Variants in DACT2 observed in about 807,000 individuals in gnomAD.
The protein encoded by DACT2 is dapper homolog 2.
In DACT2, 20 loss-of-function variants were observed where a neutral mutation model predicts 22.2. The observed-to-expected ratio is 0.90, with a 90% confidence interval of 0.63 to 1.31. The LOEUF is 1.31. DACT2 is among the 50% of genes most tolerant of loss of function. The pLI is 0.00. For missense variants in DACT2, 1,048 were observed against 1,061.4 expected (o/e 0.99, Z 0.18); for synonymous variants, 463 against 479.8 (o/e 0.96, Z 0.46).
intron 3 of DACT2, among the ~76,000 whole-genome samples, chr6:168,309,386 GTCTGCATCTAGACACCGCACA>G (rs1779330684): frequency 2.1e-4 from 13 of 60,952 alleles, no homozygotes; most frequent in East Asian, 2.6e-3. Flanking sequence ...CGTGGGGCCC[GTCTGCATCTAGACACCGCACA>G]GGGCCGTTTG....
At chr6:168,313,535 C>G (rs757700896) in intron 1 of DACT2, among the ~76,000 whole-genome samples, 1 of 152,128 alleles carries the variant, frequency 6.6e-6, no homozygotes, top group African/African-American at 2.4e-5. Context: ...CACACACAGG[C>G]GGGCTCTCCC....
At position 168,294,577 on chromosome 6, in the gene DACT2, G is replaced by GTATATATATATA. The variant is rs1554269708; in HGVS notation, c.730+44_730+55dup. ...TGTGTGTGTATGTGTGTGTGTGTGT[G>GTATATATATATA]TATATATATATATATATATATATAT... On this transcript the variant is annotated intron_variant, in intron 4 of 5. Coordinates refer to the DACT2 transcript ENST00000366796. The GTATATATATATA allele has an allele frequency of 7.7e-4, 96 of 124,394 alleles. No homozygotes were observed. The Middle Eastern group carries it at 8.7e-3, about 11-fold the overall frequency. 7.7% of individuals were successfully genotyped at this position (124,394 alleles called of 1,614,324 possible). A position where few individuals can be genotyped will look rare whatever the true frequency, so the allele number is the denominator to read the frequency against.
rs1779234159 is a variant in DACT2 at position 168,307,334 on chromosome 6, GAC to G, written c.*96_*97del. On this transcript the variant is annotated 3_prime_UTR_variant, in exon 4 of 4. Coordinates refer to ENST00000366795, the MANE Select transcript of DACT2 (RefSeq NM_214462.5). This position sits in a 1 kb window ranked among gnomAD's most constrained non-coding sequence, Gnocchi z 5.3. ...AAACGGTGGCCTCGGAAGATAAAGC[GAC>G]TTGGCAAGACGACACTGAAACCCAG... is the stretch of plus-strand genomic sequence containing the variant. The G allele has an allele frequency of 2.0e-6, 3 of 1,496,242 alleles. No individual in the cohort carries two copies. The highest frequency in any genetic ancestry group is 2.7e-5 in the South Asian group (2 of 73,006). 92.7% of individuals were successfully genotyped at this position (1,496,242 alleles called of 1,614,324 possible). A position where few individuals can be genotyped will look rare whatever the true frequency, so the allele number is the denominator to read the frequency against.
chr6:168,307,652 C>A lies in DACT2; in HGVS notation c.2105G>T (p.Ser702Ile), dbSNP rs1411558658. 6.5e-7 allele frequency: 1 copy of A among 1,547,788 alleles called. No individual in the cohort carries two copies. Among genetic ancestry groups the A allele is most frequent in the South Asian group, 1.2e-5 (1 of 83,740 alleles). The change falls in exon 4 of 4, where the codon AGC becomes ATC. Residue 702 changes from serine to isoleucine, a missense_variant. Ser to Ile is a moderately radical substitution (Grantham distance 142). Transcript: ENST00000366795. This position sits in a 1 kb window ranked among gnomAD's most constrained non-coding sequence, Gnocchi z 5.3. ...GCTCTGGGCGCCGCCCTCCTCGTCG[C>A]TGCTGCTGGACTCACGGTCTCCGAA... ...NRFGDRESSS[S>I]DEEGGAQSRD...
chr6:168,305,185 C>A (rs1583293493), downstream of DACT2, among the ~76,000 whole-genome samples: 1 of 152,092 alleles, frequency 6.6e-6, no homozygotes, highest in South Asian at 2.1e-4. Context: ...CACTGAGGAC[C>A]CTTCCTGCCC....
chr6:168,319,319 CGCTGCCGAA>C, intron 1 of DACT2, 60 bp downstream of exon 1: 1 of 1,168,178 alleles, frequency 8.6e-7, no homozygotes. Flanking sequence ...AACACACAGT[CGCTGCCGAA>C]GGAGCAGCGC....
intron 3 of DACT2, among the ~76,000 whole-genome samples, chr6:168,295,182 G>A (rs1053007840): frequency 6.6e-6 from 1 of 152,220 alleles, no homozygotes; most frequent in African/African-American, 2.4e-5. Flanking sequence ...AGGATCAGGT[G>A]GGCAAATCTG....
Position 168,319,615 on chromosome 6 carries a change from G to T in DACT2, c.19C>A (p.Pro7Thr). The T allele has an allele frequency of 1.5e-6, 2 of 1,309,156 alleles. No individual in the cohort carries two copies. The highest frequency in any genetic ancestry group is 1.9e-6 in the Non-Finnish European group (2 of 1,027,498). 81.1% of individuals were successfully genotyped at this position (1,309,156 alleles called of 1,614,324 possible). A position where few individuals can be genotyped will look rare whatever the true frequency, so the allele number is the denominator to read the frequency against. The change falls in exon 1 of 4, where the codon CCC becomes ACC. Residue 7 changes from proline (P) to threonine (T), a missense_variant. Physicochemically the swap from Pro to Thr is conservative, Grantham distance 38. Coordinates refer to ENST00000366795, the MANE Select transcript of DACT2 (RefSeq NM_214462.5). MWTPGG[P>T]PGSAGWDRRR... ...CGGTCCCAGCCCGCGGACCCCGGGG[G>T]TCCGCCCGGCGTCCACATCTCCCGG...
rs559080276 is a variant in DACT2, at chr6:168,307,650, C to T, written c.2107G>A (p.Asp703Asn). ...RFGDRESSSS[D>N]EEGGAQSRDC... ...CTGCTCTGGGCGCCGCCCTCCTCGT[C>T]GCTGCTGCTGGACTCACGGTCTCCG... Residue 703 changes from aspartate (D) to asparagine (N), a missense_variant, in exon 4 of 4, where the codon GAC becomes AAC. Coordinates refer to ENST00000366795, the MANE Select transcript of DACT2 (RefSeq NM_214462.5). This position sits in a 1 kb window ranked among gnomAD's most constrained non-coding sequence, Gnocchi z 5.3. 5.3e-5 allele frequency: 82 copies of T among 1,547,556 alleles called. 1 individual carries two copies. The highest frequency in any genetic ancestry group is 5.1e-4 in the South Asian group (43 of 83,714).
chr6:168,298,961 A>G (rs994433956), intron 3 of DACT2: 2 of 152,204 alleles, frequency 1.3e-5, no homozygotes, highest in Non-Finnish European at 1.5e-5. Flanking sequence ...AGTACTTTGT[A>G]AATACTAATT....
chr6:168,309,016 CT>C lies in DACT2; in HGVS notation c.740del (p.Gln247ArgfsTer45), dbSNP rs1244745627. 3.9e-6 allele frequency: 6 copies of C among 1,548,014 alleles called. No individual in the cohort carries two copies. Among genetic ancestry groups the C allele is most frequent in the Middle Eastern group, 1.7e-4 (1 of 5,982 alleles). On this transcript the variant is annotated frameshift_variant, in exon 4 of 4. Coordinates refer to ENST00000366795, the MANE Select transcript of DACT2 (RefSeq NM_214462.5). LOFTEE classifies it low-confidence loss of function (END_TRUNC). ...GCACGTGCAGCGGGATATCCACCCC[CT>C]GGCAGAGGAGCCCGAGGAGCTCGGC... ...ADAELLGLLC[Q>X]GVDIPLHVPD...
At chr6:168,311,648 A>T (rs568403650) in intron 1 of DACT2, among the ~76,000 whole-genome samples, 6 of 139,720 alleles carry the variant, frequency 4.3e-5, no homozygotes, top group East Asian at 2.0e-4. Flanking sequence ...ACACACACTC[A>T]CACACACACC....
intron 3 of DACT2, 138 bp downstream of exon 3, chr6:168,310,030 G>A: frequency 1.5e-6 from 2 of 1,349,032 alleles, no homozygotes; most frequent in South Asian, 3.3e-5. Flanking sequence ...GTGGCCCACG[G>A]AGGCCTTCCA....
rs760803571 is a variant in DACT2, at chr6:168,310,203, G to A, written c.623C>T (p.Pro208Leu). ...AGGCCTGGGCCAGAATGTGCCCCACGGCTGGCCTGCATCCTCCACGCTCCC... is the reference window on the plus strand; with the variant it reads ...AGGCCTGGGCCAGAATGTGCCCCACAGCTGGCCTGCATCCTCCACGCTCCC... Reference protein sequence around the residue: ...PPGSVEDAGQPWGTFWPRPVS... With the variant: ...PPGSVEDAGQLWGTFWPRPVS... The change falls in exon 3 of 4, where the codon CCG becomes CTG. Residue 208 changes from proline (P) to leucine (L), a missense_variant. Coordinates refer to ENST00000366795, the MANE Select transcript of DACT2 (RefSeq NM_214462.5). The A allele has an allele frequency of 2.8e-5, 44 of 1,550,612 alleles. No individual in the cohort carries two copies. Among genetic ancestry groups the A allele is most frequent in the East Asian group, 7.3e-5 (3 of 40,924 alleles).
At chr6:168,297,412 T>C (rs1233910305) in intron 3 of DACT2, among the ~76,000 whole-genome samples, 1 of 151,526 alleles carries the variant, frequency 6.6e-6, no homozygotes, top group Non-Finnish European at 1.5e-5. Flanking sequence ...AGGGAGAAAA[T>C]AGGAGAGGCA....
chr6:168,311,534 A>C (rs1314203759), intron 1 of DACT2, among the ~76,000 whole-genome samples: 1 of 149,620 alleles, frequency 6.7e-6, no homozygotes, highest in Non-Finnish European at 1.5e-5. Flanking sequence ...ACACACACAC[A>C]CCCATCCACA....
At chr6:168,303,263 C>T (rs77010022), downstream of DACT2, among the ~76,000 whole-genome samples, 4 of 152,114 alleles carry the variant, frequency 2.6e-5, no homozygotes, top group Admixed American at 6.6e-5. Context: ...CTATGGTTTG[C>T]GTGTGGTTTG....
intron 3 of DACT2, among the ~76,000 whole-genome samples, chr6:168,297,899 G>A (rs1238295065): frequency 2.6e-5 from 4 of 152,222 alleles, no homozygotes; most frequent in East Asian, 1.9e-4. Flanking sequence ...TGTCGGCGCA[G>A]CCCGGGTGGG....
chr6:168,303,806 G>A (rs987400686), downstream of DACT2, among the ~76,000 whole-genome samples: 4 of 152,124 alleles, frequency 2.6e-5, no homozygotes, highest in Non-Finnish European at 5.9e-5. Flanking sequence ...CAATGATAAC[G>A]TATGATTTGC....
Sources: allele counts gnomAD v4.1 joint callset (sites outside exome capture counted in the v4.1 genomes callset), GRCh38; gene constraint gnomAD v4.1.1; non-coding constraint Gnocchi (gnomAD v3.1); transcripts MANE v1.5; gene names NCBI Gene and HGNC (gene_info 2026-07-23, HGNC 2026-07-21).